CAPS2: variants seen among roughly 807,000 people sequenced by gnomAD.
CAPS2 encodes the protein calcyphosine 2.
In CAPS2, 98 loss-of-function variants were observed where a neutral mutation model predicts 86.5. The ratio of observed to expected loss-of-function variants is 1.13; its 90% CI spans 0.96 to 1.34. The LOEUF (loss-of-function observed/expected upper bound fraction) is 1.34. Among genes scored for constraint, CAPS2 ranks in the 40% most tolerant of loss-of-function variants. CAPS2 has a pLI of 0.00. For synonymous variants in CAPS2, 210 were observed against 225.1 expected (o/e 0.93, Z 0.60); for missense variants, 729 against 686.8 (o/e 1.06, Z -0.69).
intron 7 of CAPS2, among the ~76,000 whole-genome samples, chr12:75,307,458 T>A (rs928997347): frequency 1.3e-5 from 2 of 152,166 alleles, no homozygotes; most frequent in African/African-American, 4.8e-5. Context: ...AACACACAGT[T>A]TGATCAAGGA....
At chr12:75,384,817 G>A (rs533013292) in intron 1 of CAPS2, among the ~76,000 whole-genome samples, 2 of 151,248 alleles carry the variant, frequency 1.3e-5, no homozygotes, top group South Asian at 4.2e-4. Context: ...TGATGGAGTG[G>A]AATTTATTCC....
intron 1 of CAPS2, among the ~76,000 whole-genome samples, chr12:75,346,609 T>G (rs2042464473): frequency 6.6e-6 from 1 of 152,174 alleles, no homozygotes; most frequent in Admixed American, 6.5e-5. Flanking sequence ...CAGGCTGACC[T>G]CGAACTCCTG....
intron 11 of CAPS2, 98 bp from the exon 12 acceptor site, chr12:75,293,465 G>T: frequency 2.6e-6 from 2 of 777,520 alleles, no homozygotes; most frequent in Non-Finnish European, 2.2e-6. Flanking sequence ...AATGTGACAC[G>T]ATATACTTTA....
chr12:75,369,810 T>C, intron 1 of CAPS2: 1 of 1,289,084 alleles, frequency 7.8e-7, no homozygotes, highest in East Asian at 3.1e-5. Context: ...TTAAGTACTG[T>C]AGGATTGAGT....
intron 1 of CAPS2, among the ~76,000 whole-genome samples, chr12:75,362,635 A>G (rs2043678708): frequency 6.6e-6 from 1 of 152,192 alleles, no homozygotes; most frequent in Admixed American, 6.5e-5. Context: ...GAGGCTTTGA[A>G]AAATTTATGA....
At chr12:75,291,942 C>T (rs369529241) in intron 12 of CAPS2, 122 bp from the exon 13 acceptor site, 99 of 383,070 alleles carry the variant, frequency 2.6e-4, no homozygotes, top group East Asian at 2.4e-3. Flanking sequence ...TGGAAGAGTG[C>T]TTAGAATTTA....
chr12:75,323,893 A>G (rs1367101147), intron 2 of CAPS2, among the ~76,000 whole-genome samples: 1 of 152,184 alleles, frequency 6.6e-6, no homozygotes, highest in Non-Finnish European at 1.5e-5. Context: ...TCTCTTTCCA[A>G]TGCTGTGCTT....
intron 15 of CAPS2, among the ~76,000 whole-genome samples, chr12:75,284,327 A>C (rs1341786254): frequency 1.3e-5 from 2 of 152,208 alleles, no homozygotes; most frequent in African/African-American, 4.8e-5. Context: ...TATTAAGTAC[A>C]TATGCAAAAG....
intron 1 of CAPS2, chr12:75,343,684 A>G: frequency 3.8e-6 from 6 of 1,579,990 alleles, no homozygotes; most frequent in Middle Eastern, 1.7e-4. Context: ...AATTATTTTT[A>G]TCTTTCAGAT....
intron 1 of CAPS2, chr12:75,343,990 T>C: frequency 7.0e-7 from 1 of 1,438,832 alleles, no homozygotes; most frequent in East Asian, 2.3e-5. Context: ...ATATTTTAAT[T>C]GCCAGAATTT....
intron 7 of CAPS2, among the ~76,000 whole-genome samples, chr12:75,311,975 A>C (rs1302431822): frequency 6.6e-6 from 1 of 152,182 alleles, no homozygotes; most frequent in Non-Finnish European, 1.5e-5. Context: ...ACATGCATGT[A>C]GAAACAGCCA....
At chr12:75,317,877 AG>A (rs372178222) in intron 5 of CAPS2, among the ~76,000 whole-genome samples, 50 of 152,204 alleles carry the variant, frequency 3.3e-4, no homozygotes, top group African/African-American at 1.0e-3. Context: ...TCAAATTTCT[AG>A]GAAAAAAAAT....
At chr12:75,367,293 A>G (rs1316052777) in intron 1 of CAPS2, among the ~76,000 whole-genome samples, 1 of 149,070 alleles carries the variant, frequency 6.7e-6, no homozygotes, top group Non-Finnish European at 1.5e-5. Flanking sequence ...AAAAAAAAGA[A>G]CTTTTTGACT....
chr12:75,386,045 T>C (rs984117219), intron 1 of CAPS2, among the ~76,000 whole-genome samples: 2 of 152,212 alleles, frequency 1.3e-5, no homozygotes, highest in Non-Finnish European at 2.9e-5. Context: ...TTGTTCATAA[T>C]AGAATGAACA....
At chr12:75,316,969 A>C (rs149004995) in intron 5 of CAPS2, among the ~76,000 whole-genome samples, 84 of 152,302 alleles carry the variant, frequency 5.5e-4, no homozygotes, top group African/African-American at 1.9e-3. Flanking sequence ...AAAACAAAAA[A>C]AAGTTTCCAA....
chr12:75,371,507 C>G (rs1319735042), intron 1 of CAPS2: 2 of 333,824 alleles, frequency 6.0e-6, no homozygotes, highest in African/African-American at 2.2e-5. Context: ...ACAATATTAA[C>G]CATCACAAGT....
At chr12:75,305,499 C>T (rs2038349609) in intron 7 of CAPS2, 2 of 597,724 alleles carry the variant, frequency 3.3e-6, no homozygotes, top group Non-Finnish European at 6.4e-6. Context: ...CCGAGGCCTC[C>T]AGCTCCGAGG....
At chr12:75,285,810 T>C (rs2034775082) in intron 14 of CAPS2, among the ~76,000 whole-genome samples, 1 of 151,988 alleles carries the variant, frequency 6.6e-6, no homozygotes, top group Admixed American at 6.6e-5. Flanking sequence ...CATCCGGTCC[T>C]GGAGTGCTTC....
intron 1 of CAPS2, among the ~76,000 whole-genome samples, chr12:75,386,986 T>C (rs956124061): frequency 1.3e-5 from 2 of 152,148 alleles, no homozygotes; most frequent in Non-Finnish European, 2.9e-5. Context: ...AAAATCTAGA[T>C]GATCTTTAAT....
Sources: gnomAD v4.1 joint callset for allele counts (sites outside exome capture counted in the v4.1 genomes callset) on GRCh38, gnomAD v4.1.1 for gene constraint, MANE v1.5 for transcripts, NCBI Gene and HGNC (gene_info 2026-07-23, HGNC 2026-07-21) for gene names.